MAP3K20: variants seen among roughly 807,000 people sequenced by gnomAD.
MAP3K20 encodes mitogen-activated protein kinase kinase kinase 20, also known as HCCS-4.
In MAP3K20, 40 loss-of-function variants were observed where a neutral mutation model predicts 85.7. The ratio of observed to expected loss-of-function variants is 0.47; its 90% CI spans 0.36 to 0.61. The LOEUF (loss-of-function observed/expected upper bound fraction) is 0.61, where lower values mean the gene tolerates loss of function less well. Among genes scored for constraint, MAP3K20 ranks in the 20% least tolerant of loss-of-function variants. The pLI is 0.00. For missense variants in MAP3K20, 817 were observed against 961.7 expected (o/e 0.85, Z 1.99); for synonymous variants, 325 against 327.7 (o/e 0.99, Z 0.09).
At chr2:173,104,153 T>G (rs114057692) in intron 2 of MAP3K20, among the ~76,000 whole-genome samples, 2,274 of 152,314 alleles carry the variant, frequency 0.015, 21 homozygotes, top group Non-Finnish European at 0.024. Context: ...AAGGAATAGT[T>G]AGTAACTTTA....
Position 173,266,109 on chromosome 2 carries a change from T to G in MAP3K20, c.1762T>G (p.Leu588Val). The G allele has an allele frequency of 6.2e-7, 1 of 1,608,972 alleles. No individual in the cohort carries two copies. Among genetic ancestry groups the G allele is most frequent in the Non-Finnish European group, 8.5e-7 (1 of 1,177,528 alleles). The change falls in exon 20 of 20, where the codon TTA (leucine) becomes GTA (valine). Residue 588 changes from leucine to valine, a missense_variant. Transcript: ENST00000375213. Reference sequence around the variant, plus strand: ...GCGGCAGATTGCATCCAACACTTCTTTACAGCGTTCCCAGAGCAATCCTAT... The same window carrying G: ...GCGGCAGATTGCATCCAACACTTCTGTACAGCGTTCCCAGAGCAATCCTAT... ...RMRQIASNTS[L>V]QRSQSNPILG...
intron 18 of MAP3K20, among the ~76,000 whole-genome samples, chr2:173,262,369 G>A (rs1384084445): frequency 6.6e-6 from 1 of 152,192 alleles, no homozygotes; most frequent in African/African-American, 2.4e-5. Context: ...GGAGGCCAAG[G>A]CGGGTGGATC....
intron 16 of MAP3K20, among the ~76,000 whole-genome samples, chr2:173,246,089 T>C (rs1485597412): frequency 6.6e-6 from 1 of 152,194 alleles, no homozygotes; most frequent in Non-Finnish European, 1.5e-5. Flanking sequence ...GCAAAGGGCA[T>C]ATTTGTGTAA....
intron 16 of MAP3K20, among the ~76,000 whole-genome samples, chr2:173,239,989 G>T (rs1307739292): frequency 6.6e-6 from 1 of 152,140 alleles, no homozygotes; most frequent in Non-Finnish European, 1.5e-5. Flanking sequence ...AAAATTATTT[G>T]GCCTAGGTAG....
At chr2:173,095,919 T>C (rs1687444046) in intron 2 of MAP3K20, among the ~76,000 whole-genome samples, 1 of 152,216 alleles carries the variant, frequency 6.6e-6, no homozygotes, top group Non-Finnish European at 1.5e-5. Flanking sequence ...TATTTTCCTA[T>C]GATGATTTTA....
rs374108198 is a variant in MAP3K20, at chr2:173,082,917, G to T, written c.-35+6915G>T. Among the ~76,000 whole-genome samples the T allele has an allele frequency of 1.2e-4, 18 of 152,310 alleles. 1 individual carries two copies. The highest frequency in any genetic ancestry group is 4.3e-4 in the African/African-American group (18 of 41,570). ...AAGTGCTCCCACCAACTACATTCCT[G>T]TGCCTCCCATCTTTTACTTCTGGTA... On this transcript the variant is annotated intron_variant, in intron 1 of 19. Transcript: ENST00000375213.
chr2:173,120,698 CTTCTTTTTTTT>C (rs1417651386), intron 2 of MAP3K20, among the ~76,000 whole-genome samples: 3 of 103,098 alleles, frequency 2.9e-5, no homozygotes, highest in African/African-American at 9.9e-5. Context: ...GTCACTCTCA[CTTCTTTTTTTT>C]TTTTTTTTTT....
chr2:173,262,391 G>A (rs1685317580), intron 18 of MAP3K20, among the ~76,000 whole-genome samples: 2 of 152,156 alleles, frequency 1.3e-5, no homozygotes, highest in South Asian at 4.1e-4. Context: ...CCTGAGGTCA[G>A]GAGTTCGAGA....
intron 8 of MAP3K20, 137 bp from the exon 9 acceptor site, chr2:173,203,659 T>C: frequency 1.5e-6 from 1 of 668,848 alleles, no homozygotes; most frequent in Non-Finnish European, 2.6e-6. Flanking sequence ...TTGTCACATA[T>C]TAATCAATGG....
chr2:173,161,618 G>C (rs1574068335), intron 2 of MAP3K20, among the ~76,000 whole-genome samples: 1 of 152,256 alleles, frequency 6.6e-6, no homozygotes, highest in East Asian at 1.9e-4. Flanking sequence ...AAGTAGGAAA[G>C]GCTCTTCTAA....
chr2:173,200,148 A>G (rs568037449), intron 8 of MAP3K20, among the ~76,000 whole-genome samples: 1 of 152,320 alleles, frequency 6.6e-6, no homozygotes, highest in East Asian at 1.9e-4. Context: ...TGGGTATTAC[A>G]AGGATATTTA....
intron 1 of MAP3K20, among the ~76,000 whole-genome samples, chr2:173,079,397 G>A (rs1002668881): frequency 2.6e-5 from 4 of 152,090 alleles, no homozygotes; most frequent in African/African-American, 4.8e-5. Context: ...TGAAGGCCCA[G>A]GACATCACTG....
intron 3 of MAP3K20, among the ~76,000 whole-genome samples, chr2:173,175,672 A>C (rs1400207146): frequency 1.3e-5 from 2 of 152,172 alleles, no homozygotes. Flanking sequence ...CTGTTTTATC[A>C]TCTCAAAAGT....
At chr2:173,141,670 G>A (rs1054396761) in intron 2 of MAP3K20, among the ~76,000 whole-genome samples, 1 of 152,100 alleles carries the variant, frequency 6.6e-6, no homozygotes, top group African/African-American at 2.4e-5. Context: ...ATGACTTCAA[G>A]TGCCCCAACT....
intron 1 of MAP3K20, among the ~76,000 whole-genome samples, chr2:173,081,938 A>G (rs545041550): frequency 6.6e-6 from 1 of 152,086 alleles, no homozygotes; most frequent in South Asian, 2.1e-4. Flanking sequence ...CGCATATCCC[A>G]TTGAACGCTC....
intron 2 of MAP3K20, among the ~76,000 whole-genome samples, chr2:173,128,710 C>A (rs939975732): frequency 1.3e-5 from 2 of 152,058 alleles, no homozygotes; most frequent in African/African-American, 4.8e-5. Context: ...TTTGCTTAAT[C>A]TCATGATTTT....
At chr2:173,240,164 C>T (rs982835769) in intron 16 of MAP3K20, among the ~76,000 whole-genome samples, 18 of 152,212 alleles carry the variant, frequency 1.2e-4, no homozygotes, top group African/African-American at 4.3e-4. Context: ...GAAACTGAGG[C>T]TCAGACAGGT....
At chr2:173,258,560 C>T (rs1219881902) in intron 16 of MAP3K20, 139 bp from the exon 17 acceptor site, 2 of 578,906 alleles carry the variant, frequency 3.5e-6, no homozygotes, top group Non-Finnish European at 6.0e-6. Context: ...AATTTCATGT[C>T]CTTTTATTGA....
intron 2 of MAP3K20, among the ~76,000 whole-genome samples, chr2:173,126,724 T>C (rs1688455434): frequency 6.6e-6 from 1 of 152,212 alleles, no homozygotes; most frequent in Non-Finnish European, 1.5e-5. Context: ...CTTATTTTTA[T>C]TAGCAGTCTA....
Sources: gnomAD v4.1 joint callset for allele counts (sites outside exome capture counted in the v4.1 genomes callset) on GRCh38, gnomAD v4.1.1 for gene constraint, MANE v1.5 for transcripts, NCBI Gene and HGNC (gene_info 2026-07-23, HGNC 2026-07-21) for gene names.